The following CDHR2 variants were observed in gnomAD, a reference collection of about 807,000 sequenced individuals.
The protein encoded by CDHR2 is cadherin related family member 2.
CDHR2 carries 104 observed loss-of-function variants against 138.6 expected under a neutral mutation model. The ratio of observed to expected loss-of-function variants is 0.75; its 90% confidence interval spans 0.64 to 0.88. The LOEUF (loss-of-function observed/expected upper bound fraction) is 0.88, where lower values mean the gene tolerates loss of function less well. Among genes scored for constraint, CDHR2 ranks in the 40% least tolerant of loss-of-function variants. The probability of loss-of-function intolerance (pLI) is 0.00; values close to 1 mark genes in which losing one functional copy is unlikely to be tolerated. For missense variants in CDHR2, 1,624 were observed against 1,727.6 expected, an observed-to-expected ratio of 0.94 and a Z score of 1.06; for synonymous variants, 755 against 742.8, an observed-to-expected ratio of 1.02 and a Z score of -0.27.
At position 176,543,673 on chromosome 5, in the gene CDHR2, T is replaced by C. The variant is rs1272566412; in HGVS notation, c.-16+904T>C. ...CCATGGTCGTTCAGAGAATCTTCGCTTCCCGGAGAGTGTGTCCCCTCCCCC... is the reference window on the plus strand; with the variant it reads ...CCATGGTCGTTCAGAGAATCTTCGCCTCCCGGAGAGTGTGTCCCCTCCCCC... On this transcript the variant is annotated intron_variant, in intron 1 of 31. Transcript: ENST00000510636. This position sits in a 1 kb window ranked among gnomAD's most constrained non-coding sequence, Gnocchi z 4.0. 6.6e-6 allele frequency: 1 copy of C among 152,186 alleles called. No homozygotes were observed. The highest frequency in any genetic ancestry group is 1.9e-4 in the East Asian group (1 of 5,168). 9.4% of individuals were successfully genotyped at this position (152,186 alleles called of 1,614,324 possible).
chr5:176,553,476 G>C lies in CDHR2; in HGVS notation c.-16+4062G>C, dbSNP rs966968559. On this transcript the variant is annotated intron_variant, in intron 1 of 31. Transcript: ENST00000261944. The surrounding 1 kb of genome is among the most constrained non-coding windows in gnomAD (Gnocchi z 4.3). ...GCTGGACCCAGGGGAACTTTGTAAT[G>C]ATGATGAATCCATCTTGATACCTGC... Among the ~76,000 whole-genome samples the C allele has an allele frequency of 6.6e-6, 1 of 152,158 alleles. No homozygotes were observed. Among genetic ancestry groups the C allele is most frequent in the South Asian group, 2.1e-4 (1 of 4,834 alleles).
intron 30 of CDHR2, among the ~76,000 whole-genome samples, chr5:176,592,504 T>G (rs1758907990): frequency 7.1e-6 from 1 of 140,640 alleles, no homozygotes; most frequent in Non-Finnish European, 1.5e-5. Flanking sequence ...GTGGTGATAG[T>G]GATTATGATG....
intron 28 of CDHR2, among the ~76,000 whole-genome samples, 157 bp downstream of exon 28, chr5:176,590,844 C>T (rs958182257): frequency 6.6e-6 from 1 of 152,174 alleles, no homozygotes; most frequent in Non-Finnish European, 1.5e-5. Context: ...GTCACCTCCC[C>T]TCCACGGGCC....
intron 30 of CDHR2, 110 bp downstream of exon 30, chr5:176,591,594 G>C: frequency 1.2e-6 from 1 of 836,530 alleles, no homozygotes; most frequent in Non-Finnish European, 2.0e-6. Flanking sequence ...TGGTGATGGT[G>C]TGGTCATGGT....
rs80148956 is a variant in CDHR2, at chr5:176,551,389, G to A, written c.-16+1975G>A. ...CACCATGTTGGTCAGGCTGGTCCAG[G>A]CATTTTTTGAGAGCAGGGAAACAAC... On this transcript the variant is annotated intron_variant, in intron 1 of 31. Coordinates refer to ENST00000261944, the MANE Select transcript of CDHR2 (RefSeq NM_017675.6). Among the ~76,000 whole-genome samples, 1,281 of 152,244 alleles carry A rather than the reference G, an allele frequency of 8.4e-3. 18 individuals are homozygous for A. The highest frequency in any genetic ancestry group is 0.025 in the African/African-American group (1,028 of 41,530).
At position 176,576,431 on chromosome 5, in the gene CDHR2, T is replaced by A. The variant is rs544801661; in HGVS notation, c.1194+246T>A. On this transcript the variant is annotated intron_variant, in intron 12 of 31. Transcript: ENST00000261944. The surrounding 1 kb of genome is among the most constrained non-coding windows in gnomAD (Gnocchi z 4.5). ...GAGGCTGACGTAGAACGTCAGATGA[T>A]GCTGAGTAGAACATCATTGTCCGTG... Among the ~76,000 whole-genome samples, 1 of 152,164 alleles carries A rather than the reference T, an allele frequency of 6.6e-6. No homozygotes were observed. The highest frequency in any genetic ancestry group is 1.9e-4 in the East Asian group (1 of 5,184).
intron 16 of CDHR2, 116 bp downstream of exon 16, chr5:176,578,724 C>T (rs1758463631): frequency 1.5e-6 from 2 of 1,371,314 alleles, no homozygotes; most frequent in South Asian, 1.4e-5. Context: ...GAGACAGTCA[C>T]TCAGAGTCTC....
chr5:176,551,033 G>A (rs372308030), intron 1 of CDHR2, among the ~76,000 whole-genome samples: 99 of 152,256 alleles, frequency 6.5e-4, no homozygotes, highest in African/African-American at 2.2e-3. Context: ...TTTTTGAGAC[G>A]GATTCTCACT....
chr5:176,588,962 G>A (rs1445571437), intron 21 of CDHR2, 69 bp from the exon 22 acceptor site: 5 of 1,548,260 alleles, frequency 3.2e-6, no homozygotes, highest in Non-Finnish European at 4.4e-6. Flanking sequence ...CCTTGCCTCT[G>A]ATCCCTGCTG....
intron 22 of CDHR2, 24 bp downstream of exon 22, chr5:176,589,206 G>T: frequency 6.2e-7 from 1 of 1,613,534 alleles, no homozygotes. Context: ...GCCCCGGGAG[G>T]GAGGTTGCGG....
intron 1 of CDHR2, 79 bp from the exon 2 acceptor site, chr5:176,565,259 G>A (rs1758053217): frequency 9.5e-7 from 1 of 1,053,836 alleles, no homozygotes; most frequent in African/African-American, 1.6e-5. Flanking sequence ...GTGGGCTCAG[G>A]TCAGACCCAG....
chr5:176,576,743 A>AT lies in CDHR2; in HGVS notation c.1194+563dup, dbSNP rs552450833. On this transcript the variant is annotated intron_variant, in intron 12 of 31. Transcript: ENST00000261944. This position sits in a 1 kb window ranked among gnomAD's most constrained non-coding sequence, Gnocchi z 4.5. Reference sequence around the variant, plus strand: ...AGGTGTGCACCACCTCGCCCAGCTAATTTTTGTGTTTTTAGTAGAGATGGA... The same window carrying AT: ...AGGTGTGCACCACCTCGCCCAGCTAATTTTTTGTGTTTTTAGTAGAGATGGA... Among the ~76,000 whole-genome samples, 5 of 151,952 alleles carry AT rather than the reference A, an allele frequency of 3.3e-5. No homozygotes were observed. The South Asian group carries it at 1.0e-3, about 32-fold the overall frequency.
chr5:176,571,543 A>AT (rs1758231177), intron 6 of CDHR2, among the ~76,000 whole-genome samples: 1 of 149,962 alleles, frequency 6.7e-6, no homozygotes, highest in African/African-American at 2.4e-5. Flanking sequence ...AAGGGAGTTG[A>AT]TTTTTTTTGT....
Position 176,590,255 on chromosome 5 carries a change from C to T in CDHR2, c.3278C>T (p.Ala1093Val), listed in dbSNP as rs763220823. 1 of 1,614,140 alleles carries T rather than the reference C, an allele frequency of 6.2e-7. No individual in the cohort carries two copies. The highest frequency in any genetic ancestry group is 1.7e-5 in the Admixed American group (1 of 60,022). Residue 1093 changes from alanine to valine, a missense_variant and splice_region_variant, in exon 26 of 32, where the codon GCC (alanine) becomes GTC (valine). Physicochemically the swap from Ala to Val is moderately conservative, Grantham distance 64. Transcript: ENST00000261944. ...TCTTCAACTCTGTCCCGCTCCAGGG[C>T]CCGACCTCACTCCTACCTCGATGCC... ...DIQDIDSAAR[A>V]RPHSYLDAYF...
chr5:176,590,839 C>T, intron 28 of CDHR2, 152 bp downstream of exon 28: 5 of 969,994 alleles, frequency 5.2e-6, no homozygotes, highest in South Asian at 1.6e-5. Context: ...GGTGAGTCAC[C>T]TCCCCTCCAC....
At position 176,575,437 on chromosome 5, in the gene CDHR2, G is replaced by C; in HGVS notation, c.768+11G>C. ...GAGGATGCAGCCAAGGTGCACGGGGGACCTGTGGGGTGTGGGTGGAGGCGG... is the reference window on the plus strand; with the variant it reads ...GAGGATGCAGCCAAGGTGCACGGGGCACCTGTGGGGTGTGGGTGGAGGCGG... On this transcript the variant is annotated intron_variant, in intron 9 of 31. Coordinates refer to ENST00000261944, the MANE Select transcript of CDHR2 (RefSeq NM_017675.6). 1 of 1,614,236 alleles carries C rather than the reference G, an allele frequency of 6.2e-7. No individual in the cohort carries two copies. The highest frequency in any genetic ancestry group is 8.5e-7 in the Non-Finnish European group (1 of 1,180,030).
In CDHR2 at chr5:176,576,086, C is replaced by A. The variant is rs199670202; in HGVS notation, c.1095C>A (p.Pro365=). 5 of 1,614,014 alleles carry A rather than the reference C, an allele frequency of 3.1e-6. No homozygotes were observed. In the African/African-American group the frequency reaches 6.7e-5, roughly 22 times the overall value. The stretch of plus-strand genomic sequence containing the variant: ...GCCTCCCAGCCTGCACCTTCACCCC[C>A]GAAGAGGCCCAAGTGAACTTCACTG... The part of the protein sequence containing the change: ...NCSLPACTFT[P]EEAQVNFTGY... Residue 365 remains proline (P), a synonymous_variant, in exon 12 of 32, where the codon CCC becomes CCA. Coordinates refer to ENST00000261944, the MANE Select transcript of CDHR2 (RefSeq NM_017675.6). The surrounding 1 kb of genome is among the most constrained non-coding windows in gnomAD (Gnocchi z 4.5).
rs966954286 is a variant in CDHR2 at position 176,589,388 on chromosome 5, A to G, written c.3067A>G (p.Arg1023Gly). 3 of 1,570,418 alleles carry G rather than the reference A, an allele frequency of 1.9e-6. No homozygotes were observed. The African/African-American group carries it at 4.0e-5, about 21-fold the overall frequency. Residue 1023 changes from arginine (R) to glycine (G), a missense_variant, in exon 23 of 32, where the codon AGG becomes GGG. Physicochemically the swap from Arg to Gly is moderately radical, Grantham distance 125 (BLOSUM62 -2). This residue lies in a region of CDHR2 where 556 missense variants were observed against 565.7 expected (regional missense o/e 0.98). Transcript: ENST00000261944. The part of the protein sequence containing the change: ...QGTYQVTVQA[R>G]DRPSLGPFLE... ...CACCTACCAAGTGACAGTCCAGGCC[A>G]GGGACAGACCTTCCTTGGGTCCTTT... is the stretch of plus-strand genomic sequence containing the variant.
Position 176,589,165 on chromosome 5 carries a change from G to A in CDHR2, c.2991G>A (p.Val997=). 6.2e-7 allele frequency: 1 copy of A among 1,614,174 alleles called. No individual in the cohort carries two copies. Residue 997 remains valine, a synonymous_variant, in exon 22 of 32, where the codon GTG becomes GTA. Coordinates refer to ENST00000261944, the MANE Select transcript of CDHR2 (RefSeq NM_017675.6). ...FSIFTSSEAD[V]FAGSIQPVTS... ...TCTTCACCTCCTCCGAGGCCGACGT[G>A]TTCGCTGGGAGCATTCAGTAACTGC...
Sources: allele counts gnomAD v4.1 joint callset (sites outside exome capture counted in the v4.1 genomes callset), GRCh38; gene constraint gnomAD v4.1.1; regional missense constraint gnomAD v4.1.1; non-coding constraint Gnocchi (gnomAD v3.1); transcripts MANE v1.5; gene names NCBI Gene and HGNC (gene_info 2026-07-23, HGNC 2026-07-21).